Variants in EVI5 observed in about 807,000 individuals in gnomAD.
EVI5 encodes the protein ecotropic viral integration site 5.
In EVI5, 73 loss-of-function variants were observed where a neutral mutation model predicts 112.0. The observed-to-expected ratio is 0.65, with a 90% confidence interval of 0.54 to 0.79. EVI5 has a LOEUF of 0.79. EVI5 is among the 30% of genes least tolerant of loss of function. The pLI is 0.00. For missense variants in EVI5, 900 were observed against 968.8 expected (o/e 0.93, Z 0.94); for synonymous variants, 305 against 319.9 (o/e 0.95, Z 0.50).
intron 1 of EVI5, among the ~76,000 whole-genome samples, chr1:92,775,370 T>C (rs1683975406): frequency 6.7e-6 from 1 of 150,298 alleles, no homozygotes; most frequent in Non-Finnish European, 1.5e-5. Flanking sequence ...GAAGTTGCAG[T>C]GAGCTGAGAT....
intron 18 of EVI5, among the ~76,000 whole-genome samples, chr1:92,593,166 C>A (rs1189461004): frequency 6.6e-6 from 1 of 152,208 alleles, no homozygotes; most frequent in African/African-American, 2.4e-5. Context: ...ATGCAAATAT[C>A]CTCAATATAA....
At chr1:92,702,681 A>G (rs1249372926) in intron 4 of EVI5, among the ~76,000 whole-genome samples, 1 of 150,888 alleles carries the variant, frequency 6.6e-6, no homozygotes, top group Non-Finnish European at 1.5e-5. Context: ...TGGCGGGCGC[A>G]TGTAATCCCA....
At chr1:92,662,890 T>C (rs1323927445) in intron 12 of EVI5, 25 bp from the exon 13 acceptor site, 1 of 1,255,712 alleles carries the variant, frequency 8.0e-7, no homozygotes, top group Non-Finnish European at 1.0e-6. Flanking sequence ...TTTGTGTGTG[T>C]AAAGCAATTT....
intron 16 of EVI5, among the ~76,000 whole-genome samples, chr1:92,613,063 G>A (rs578257514): frequency 8.9e-4 from 136 of 152,160 alleles, no homozygotes; most frequent in Non-Finnish European, 1.7e-3. Flanking sequence ...CTATAGGAAG[G>A]CGCTAAACCT....
chr1:92,666,252 T>C (rs1308360912), intron 10 of EVI5, among the ~76,000 whole-genome samples: 3 of 151,812 alleles, frequency 2.0e-5, no homozygotes, highest in Admixed American at 6.6e-5. Flanking sequence ...AGCCTGAGTC[T>C]GGGCAACATG....
chr1:92,777,731 A>G (rs998818970), intron 1 of EVI5, among the ~76,000 whole-genome samples: 2 of 152,182 alleles, frequency 1.3e-5, no homozygotes, highest in Admixed American at 1.3e-4. Context: ...ACACACACAC[A>G]TCTAATTTTG....
intron 18 of EVI5, among the ~76,000 whole-genome samples, chr1:92,592,121 C>A (rs1312734313): frequency 6.6e-6 from 1 of 152,136 alleles, no homozygotes; most frequent in Admixed American, 6.5e-5. Context: ...CAGGTGCCTG[C>A]AGTCCCAGCT....
intron 16 of EVI5, among the ~76,000 whole-genome samples, chr1:92,618,990 T>G (rs979012007): frequency 3.3e-5 from 5 of 152,218 alleles, no homozygotes; most frequent in Admixed American, 2.0e-4. Context: ...TTAGGCATAA[T>G]TATTACCTCA....
chr1:92,657,396 C>G (rs556188690), intron 13 of EVI5, among the ~76,000 whole-genome samples: 1 of 152,312 alleles, frequency 6.6e-6, no homozygotes, highest in East Asian at 1.9e-4. Flanking sequence ...GGTACGTCGG[C>G]TCATGCCTGT....
At chr1:92,615,188 T>C (rs1652842855) in intron 16 of EVI5, among the ~76,000 whole-genome samples, 1 of 152,190 alleles carries the variant, frequency 6.6e-6, no homozygotes, top group Non-Finnish European at 1.5e-5. Flanking sequence ...AGCAGTTTAG[T>C]GACTCTATAC....
At chr1:92,787,581 C>CA (rs1350329506), upstream of EVI5, among the ~76,000 whole-genome samples, 138 of 150,414 alleles carry the variant, frequency 9.2e-4, no homozygotes, top group Non-Finnish European at 2.7e-4. Context: ...AAAAAAAATA[C>CA]AAAAAAAAAT....
At chr1:92,548,738 T>C (rs1397985045) in intron 19 of EVI5, among the ~76,000 whole-genome samples, 2 of 152,152 alleles carry the variant, frequency 1.3e-5, no homozygotes, top group African/African-American at 2.4e-5. Context: ...AGTGAACTCC[T>C]ATTCACTATT....
intron 1 of EVI5, among the ~76,000 whole-genome samples, chr1:92,753,344 A>G (rs868057460): frequency 1.3e-4 from 20 of 152,204 alleles, no homozygotes; most frequent in South Asian, 4.1e-4. Context: ...TCAATCAACC[A>G]ATCAATCAAT....
chr1:92,539,606 C>T (rs1271090565), intron 19 of EVI5, among the ~76,000 whole-genome samples: 1 of 150,046 alleles, frequency 6.7e-6, no homozygotes, highest in African/African-American at 2.4e-5. Flanking sequence ...TATGTTTATA[C>T]ATAAAATATT....
Position 92,595,115 on chromosome 1 carries a change from C to T in EVI5, c.2070+10192G>A, listed in dbSNP as rs1050261325. Among the ~76,000 whole-genome samples the T allele has an allele frequency of 2.3e-3, 348 of 151,928 alleles. 2 individuals carry two copies. Among genetic ancestry groups the T allele is most frequent in the African/African-American group, 7.8e-3 (324 of 41,406 alleles). ...ATGCTGCTATAAAGACACATGCACA[C>T]GTATGTTTATTGCGGCACTATTCAC... On this transcript the variant is annotated intron_variant, in intron 18 of 19. Transcript: ENST00000684568.
chr1:92,549,807 T>C (rs1666472068), intron 19 of EVI5, among the ~76,000 whole-genome samples: 1 of 152,124 alleles, frequency 6.6e-6, no homozygotes, highest in Non-Finnish European at 1.5e-5. Context: ...AGACACCATC[T>C]CACACCAGTT....
At chr1:92,663,600 A>T (rs1664393440) in intron 11 of EVI5, 148 bp from the exon 12 acceptor site, 1 of 402,184 alleles carries the variant, frequency 2.5e-6, no homozygotes, top group Non-Finnish European at 4.4e-6. Flanking sequence ...TTTTTTACTG[A>T]ATGTTTTTAT....
At chr1:92,785,175 G>C (rs1685479393), upstream of EVI5, 4 of 913,260 alleles carry the variant, frequency 4.4e-6, no homozygotes, top group South Asian at 2.0e-4. Flanking sequence ...GTTGGAGCAG[G>C]TTAGGGGCCG....
chr1:92,720,777 C>A (rs188225022), intron 2 of EVI5, among the ~76,000 whole-genome samples: 23 of 152,274 alleles, frequency 1.5e-4, no homozygotes, highest in African/African-American at 5.1e-4. Context: ...ATCTACCCAA[C>A]TGACAAAGGG....
Sources: allele counts gnomAD v4.1 joint callset (sites outside exome capture counted in the v4.1 genomes callset), GRCh38; gene constraint gnomAD v4.1.1; transcripts MANE v1.5; gene names NCBI Gene and HGNC (gene_info 2026-07-23, HGNC 2026-07-21).